Variants in NUTF2 observed in about 807,000 individuals in gnomAD.
The protein encoded by NUTF2 is placental protein 15.
Under a neutral mutation model 18.5 loss-of-function variants are expected in NUTF2, and 3 were observed. The observed-to-expected ratio is 0.16, with a 90% CI of 0.07 to 0.42. The LOEUF (loss-of-function observed/expected upper bound fraction) is 0.42, where lower values mean the gene tolerates loss of function less well. Ranked by LOEUF, NUTF2 falls within the 10% of genes least tolerant of loss-of-function variation. The pLI is 0.99. For missense variants in NUTF2, 44 were observed against 160.7 expected, an observed-to-expected ratio of 0.27 and a Z score of 3.93; for synonymous variants, 51 against 57.9, an observed-to-expected ratio of 0.88 and a Z score of 0.54.
intron 1 of NUTF2, chr16:67,847,285 C>A (rs1401698169): frequency 6.6e-6 from 1 of 152,370 alleles, no homozygotes; most frequent in African/African-American, 2.4e-5. Flanking sequence ...TAGTCAGGAC[C>A]GTCCGGATGG....
intron 1 of NUTF2, among the ~76,000 whole-genome samples, chr16:67,850,325 C>T (rs894892470): frequency 6.6e-6 from 1 of 151,842 alleles, no homozygotes; most frequent in Non-Finnish European, 1.5e-5. Flanking sequence ...CTGCCTCAGC[C>T]TCCCGAGTAG....
intron 1 of NUTF2, among the ~76,000 whole-genome samples, chr16:67,848,741 CA>C (rs1450837922): frequency 8.7e-6 from 1 of 114,838 alleles, no homozygotes; most frequent in Admixed American, 9.7e-5. Flanking sequence ...GACTCTGTCT[CA>C]AAAAAAAAGA....
chr16:67,854,619 A>C (rs1209646098), intron 1 of NUTF2, among the ~76,000 whole-genome samples: 1 of 152,202 alleles, frequency 6.6e-6, no homozygotes. Context: ...AGTGAATCCT[A>C]AAAGTTTTCC....
At chr16:67,854,888 G>A (rs749269399) in intron 1 of NUTF2, among the ~76,000 whole-genome samples, 2 of 152,134 alleles carry the variant, frequency 1.3e-5, no homozygotes, top group African/African-American at 2.4e-5. Flanking sequence ...GTTGCGGTGA[G>A]CCAAGATCGC....
chr16:67,847,080 C>T (rs1394466199), intron 1 of NUTF2, 95 bp downstream of exon 1: 2 of 147,680 alleles, frequency 1.4e-5, no homozygotes, highest in East Asian at 2.0e-4. Context: ...CCCGGGCGGC[C>T]CCTCCCCTCC....
chr16:67,867,490 G>A (rs116711379), intron 2 of NUTF2, among the ~76,000 whole-genome samples: 3 of 152,200 alleles, frequency 2.0e-5, no homozygotes, highest in African/African-American at 7.2e-5. Context: ...GATTTGAGGT[G>A]GAACTAAGCT....
intron 1 of NUTF2, chr16:67,847,266 CT>C: frequency 6.6e-6 from 1 of 152,394 alleles, no homozygotes; most frequent in East Asian, 1.9e-4. Context: ...ATGGCCAGGC[CT>C]TTTTCTCTAG....
intron 1 of NUTF2, chr16:67,847,438 C>A (rs1437397286): frequency 1.3e-5 from 2 of 152,312 alleles, no homozygotes; most frequent in Non-Finnish European, 2.9e-5. Flanking sequence ...CCACCCGGCC[C>A]GCTCCAGAGT....
At chr16:67,848,241 G>T (rs1045772052) in intron 1 of NUTF2, among the ~76,000 whole-genome samples, 1 of 152,148 alleles carries the variant, frequency 6.6e-6, no homozygotes, top group African/African-American at 2.4e-5. Context: ...GGGAGAGATG[G>T]CATGTAAAGC....
intron 1 of NUTF2, among the ~76,000 whole-genome samples, chr16:67,855,531 G>T (rs1422500986): frequency 6.6e-6 from 1 of 152,166 alleles, no homozygotes; most frequent in Admixed American, 6.5e-5. Context: ...GGGTTTCTGG[G>T]GTACCTGGGA....
At chr16:67,850,983 T>C (rs1185148483) in intron 1 of NUTF2, among the ~76,000 whole-genome samples, 1 of 150,552 alleles carries the variant, frequency 6.6e-6, no homozygotes, top group East Asian at 2.0e-4. Context: ...GTATTCTTAG[T>C]AGAGATGGGG....
chr16:67,864,669 G>A (rs923550501), intron 1 of NUTF2, among the ~76,000 whole-genome samples: 7 of 152,138 alleles, frequency 4.6e-5, no homozygotes, highest in African/African-American at 1.4e-4. Flanking sequence ...GTTCTTGGCT[G>A]TAAAGTGGGA....
chr16:67,861,103 A>T (rs1044480485), intron 1 of NUTF2, among the ~76,000 whole-genome samples: 2 of 152,204 alleles, frequency 1.3e-5, no homozygotes, highest in African/African-American at 4.8e-5. Context: ...CGTTGTCACT[A>T]GAAGTCCTGA....
In NUTF2 at chr16:67,865,381, T is replaced by G. The variant is rs575643940; in HGVS notation, c.99+152T>G. 4 of 584,998 alleles carry G rather than the reference T, an allele frequency of 6.8e-6. No individual in the cohort carries two copies. In the East Asian group the frequency reaches 1.1e-4, roughly 16 times the overall value. 36.2% of individuals were successfully genotyped at this position (584,998 alleles called of 1,614,324 possible). A position where few individuals can be genotyped will look rare whatever the true frequency, so the allele number is the denominator to read the frequency against. ...GTCCACGGGACAGGGGTCTGACGCT[T>G]GGCCCAAGTAATTACCTGGTCTATA... On this transcript the variant is annotated intron_variant, in intron 2 of 4. Coordinates refer to ENST00000219169, the MANE Select transcript of NUTF2 (RefSeq NM_005796.3).
chr16:67,855,164 C>G (rs2057886755), intron 1 of NUTF2, among the ~76,000 whole-genome samples: 1 of 152,158 alleles, frequency 6.6e-6, no homozygotes, highest in South Asian at 2.1e-4. Flanking sequence ...TTGAGTCCCT[C>G]CCTCGGGGAG....
chr16:67,865,047 G>A (rs1444544281), intron 1 of NUTF2, 55 bp from the exon 2 acceptor site: 8 of 858,626 alleles, frequency 9.3e-6, no homozygotes, highest in Non-Finnish European at 1.3e-5. Context: ...GTCAGTGGCT[G>A]GTCACCTACT....
chr16:67,865,361 C>T lies in NUTF2; in HGVS notation c.99+132C>T, dbSNP rs983722112. On this transcript the variant is annotated intron_variant, in intron 2 of 4. Coordinates refer to ENST00000219169, the MANE Select transcript of NUTF2 (RefSeq NM_005796.3). ...ACCTCTGTATCTGAACTTTTGTCCA[C>T]GGGACAGGGGTCTGACGCTTGGCCC... 2.5e-4 allele frequency: 157 copies of T among 627,176 alleles called. 3 individuals carry two copies. Among genetic ancestry groups the T allele is most frequent in the South Asian group, 9.7e-4 (50 of 51,452 alleles). 38.9% of individuals were successfully genotyped at this position (627,176 alleles called of 1,614,324 possible).
intron 1 of NUTF2, among the ~76,000 whole-genome samples, chr16:67,862,593 G>C (rs1470035328): frequency 1.3e-5 from 2 of 152,198 alleles, no homozygotes; most frequent in African/African-American, 4.8e-5. Flanking sequence ...CCAGCACTTT[G>C]GGAGGCCAAG....
intron 1 of NUTF2, among the ~76,000 whole-genome samples, chr16:67,856,485 T>C (rs6499144): frequency 0.15 from 20,585 of 141,660 alleles, 2,911 homozygotes; most frequent in African/African-American, 0.38. Context: ...CCACCATCCC[T>C]GGCCCAGTTT....
Sources: allele counts gnomAD v4.1 joint callset (sites outside exome capture counted in the v4.1 genomes callset), GRCh38; gene constraint gnomAD v4.1.1; transcripts MANE v1.5; gene names NCBI Gene and HGNC (gene_info 2026-07-23, HGNC 2026-07-21).